Variants in RASSF9 observed in about 807,000 individuals in gnomAD.
RASSF9 encodes ras association domain-containing protein 9.
Under a neutral mutation model 21.4 loss-of-function variants are expected in RASSF9, and 18 were observed. That is an observed-to-expected ratio of 0.84 (90% CI 0.58 to 1.25). The LOEUF (loss-of-function observed/expected upper bound fraction) is 1.25, where lower values mean the gene tolerates loss of function less well. Ranked by LOEUF, RASSF9 falls within the 50% of genes most tolerant of loss-of-function variation. The pLI, the probability that RASSF9 is intolerant of heterozygous loss-of-function variation, is 0.00. For synonymous variants in RASSF9, 183 were observed against 179.1 expected (o/e 1.02, Z -0.18); for missense variants, 480 against 503.2 (o/e 0.95, Z 0.44).
At chr12:85,832,963 A>G (rs1303474057) in intron 1 of RASSF9, among the ~76,000 whole-genome samples, 3 of 151,914 alleles carry the variant, frequency 2.0e-5, no homozygotes, top group East Asian at 3.8e-4. Flanking sequence ...ATGTCTTTCT[A>G]TGAAAGTTTG....
chr12:85,833,390 C>A (rs79949145), intron 1 of RASSF9, among the ~76,000 whole-genome samples: 3,141 of 152,006 alleles, frequency 0.021, 35 homozygotes, highest in African/African-American at 0.029. Context: ...GGTGTCTAGA[C>A]AGATATGACC....
intron 1 of RASSF9, among the ~76,000 whole-genome samples, chr12:85,821,929 A>G (rs1364861438): frequency 6.6e-6 from 1 of 152,184 alleles, no homozygotes; most frequent in East Asian, 1.9e-4. Context: ...CCAAATGTAA[A>G]TATTTAACAT....
At chr12:85,814,862 T>G (rs935267699) in intron 1 of RASSF9, among the ~76,000 whole-genome samples, 4 of 152,032 alleles carry the variant, frequency 2.6e-5, no homozygotes, top group African/African-American at 9.7e-5. Context: ...ATGGCCACTA[T>G]ATATGGGAAA....
At chr12:85,829,714 T>C (rs1373260981) in intron 1 of RASSF9, among the ~76,000 whole-genome samples, 2 of 152,124 alleles carry the variant, frequency 1.3e-5, no homozygotes, top group African/African-American at 2.4e-5. Flanking sequence ...TATTTTCCTT[T>C]ACCTCCATTT....
At chr12:85,813,459 T>C (rs1879994920) in intron 1 of RASSF9, among the ~76,000 whole-genome samples, 1 of 151,966 alleles carries the variant, frequency 6.6e-6, no homozygotes, top group South Asian at 2.1e-4. Flanking sequence ...AGTTTAAATC[T>C]TGAAGTTTTA....
rs944712868 is a variant in RASSF9, at chr12:85,802,426, G to C, written c.*2276C>G. On this transcript the variant is annotated 3_prime_UTR_variant, in exon 2 of 2. Coordinates refer to ENST00000361228, the MANE Select transcript of RASSF9 (RefSeq NM_005447.4). ...AGTGATCAAACGCACAAATACATTT[G>C]TATAACTAATGAGCAAATGGAAATT... The C allele has an allele frequency of 1.3e-5, 2 of 152,148 alleles. No homozygotes were observed. Among genetic ancestry groups the C allele is most frequent in the Admixed American group, 1.3e-4 (2 of 15,274 alleles). The allele number at this position is 152,148 out of a possible 1,614,324, so 9.4% of individuals were successfully genotyped here.
Position 85,802,987 on chromosome 12 carries a change from C to A in RASSF9, c.*1715G>T, listed in dbSNP as rs1879733581. On this transcript the variant is annotated 3_prime_UTR_variant, in exon 2 of 2. Transcript: ENST00000361228. ...TCTTACCAGCCAACTTGAAATAAGA[C>A]CTGAAAATATCTATTTTGGTACAAG... 1 of 151,930 alleles carries A rather than the reference C, an allele frequency of 6.6e-6. No individual in the cohort carries two copies. Among genetic ancestry groups the A allele is most frequent in the South Asian group, 2.1e-4 (1 of 4,806 alleles). The allele number at this position is 151,930 out of a possible 1,614,324, so 9.4% of individuals were successfully genotyped here. A position where few individuals can be genotyped will look rare whatever the true frequency, so the allele number is the denominator to read the frequency against.
At chr12:85,826,991 A>G (rs189372727) in intron 1 of RASSF9, among the ~76,000 whole-genome samples, 36 of 152,094 alleles carry the variant, frequency 2.4e-4, no homozygotes, top group African/African-American at 8.7e-4. Flanking sequence ...AACTTTTTAT[A>G]TTCTAATCTT....
At position 85,805,301 on chromosome 12, in the gene RASSF9, T is replaced by TTAAA. The variant is rs1879797443; in HGVS notation, c.705_708dup (p.Met237PhefsTer7). Reference sequence around the variant, plus strand: ...TGCTCAACTTCACTGAAACTGGGCATTAAATATGCATCCTGAACATAGTTT... The same window carrying TTAAA: ...TGCTCAACTTCACTGAAACTGGGCATTAAATAAATATGCATCCTGAACATAGTTT... On this transcript the variant is annotated frameshift_variant, in exon 2 of 2. Transcript: ENST00000361228. LOFTEE classifies it low-confidence loss of function (END_TRUNC). 6.2e-7 allele frequency: 1 copy of TTAAA among 1,613,556 alleles called. No individual in the cohort carries two copies. The highest frequency in any genetic ancestry group is 1.6e-4 in the Middle Eastern group (1 of 6,062).
chr12:85,832,923 T>C (rs1490646749), intron 1 of RASSF9, among the ~76,000 whole-genome samples: 1 of 151,908 alleles, frequency 6.6e-6, no homozygotes, highest in African/African-American at 2.4e-5. Context: ...TTAACTCTCA[T>C]TGTAAACAGA....
intron 1 of RASSF9, among the ~76,000 whole-genome samples, chr12:85,816,805 A>C (rs1880077997): frequency 6.6e-6 from 1 of 152,176 alleles, no homozygotes; most frequent in African/African-American, 2.4e-5. Context: ...TAAGCCAGTT[A>C]TGAAAATCCT....
At chr12:85,813,614 A>G (rs1879998923) in intron 1 of RASSF9, among the ~76,000 whole-genome samples, 1 of 151,902 alleles carries the variant, frequency 6.6e-6, no homozygotes, top group Non-Finnish European at 1.5e-5. Flanking sequence ...TGATCCAAAG[A>G]TAAAAGGCAC....
chr12:85,826,613 A>ACCTTGTTCACCCACAGCCACACACAT (rs1555189584), intron 1 of RASSF9, among the ~76,000 whole-genome samples: 2 of 150,486 alleles, frequency 1.3e-5, no homozygotes, highest in Non-Finnish European at 3.0e-5. Flanking sequence ...GTGCCTGGCT[A>ACCTTGTTCACCCACAGCCACACACAT]ATTTTTTGTA....
intron 1 of RASSF9, among the ~76,000 whole-genome samples, chr12:85,809,667 TAATG>T (rs1171867424): frequency 8.6e-6 from 1 of 115,764 alleles, no homozygotes; most frequent in South Asian, 2.3e-4. Flanking sequence ...AGAATAGTAA[TAATG>T]ATGATGATGA....
chr12:85,813,319 C>T (rs1804060596), intron 1 of RASSF9, among the ~76,000 whole-genome samples: 1 of 151,764 alleles, frequency 6.6e-6, no homozygotes, highest in African/African-American at 2.4e-5. Context: ...TGATAATTAG[C>T]ATTAATAACA....
At chr12:85,827,400 C>T (rs1056922889) in intron 1 of RASSF9, among the ~76,000 whole-genome samples, 9 of 152,064 alleles carry the variant, frequency 5.9e-5, no homozygotes, top group East Asian at 1.9e-4. Flanking sequence ...GTAATGTCAC[C>T]GCAACTAGAG....
In RASSF9 at chr12:85,801,280, A is replaced by C. The variant is rs185099966; in HGVS notation, c.*3422T>G. 2.9e-4 allele frequency: 44 copies of C among 152,330 alleles called. No homozygotes were observed. The highest frequency in any genetic ancestry group is 1.1e-3 in the African/African-American group (44 of 41,586). 9.4% of individuals were successfully genotyped at this position (152,330 alleles called of 1,614,324 possible). On this transcript the variant is annotated 3_prime_UTR_variant, in exon 2 of 2. Transcript: ENST00000361228. ...AAAAATCGTAGTAGCATGAAGATTTAATTTTTCTTTCCCAAAATGTATAAG... is the reference window on the plus strand; with the variant it reads ...AAAAATCGTAGTAGCATGAAGATTTCATTTTTCTTTCCCAAAATGTATAAG...
intron 1 of RASSF9, among the ~76,000 whole-genome samples, chr12:85,813,188 C>CA (rs1879987799): frequency 6.6e-6 from 1 of 151,824 alleles, no homozygotes; most frequent in Admixed American, 6.6e-5. Context: ...AAACTTTCAA[C>CA]AACATGTGTT....
Position 85,836,221 on chromosome 12 carries a change from T to C in RASSF9, c.-20A>G, listed in dbSNP as rs1880560987. 6.6e-7 allele frequency: 1 copy of C among 1,511,062 alleles called. No individual in the cohort carries two copies. Among genetic ancestry groups the C allele is most frequent in the Non-Finnish European group, 8.8e-7 (1 of 1,133,126 alleles). 93.6% of individuals were successfully genotyped at this position (1,511,062 alleles called of 1,614,324 possible). A position where few individuals can be genotyped will look rare whatever the true frequency, so the allele number is the denominator to read the frequency against. Reference sequence around the variant, plus strand: ...AGCCATGGTCTGTCGGGCAAACGAATAAAGAAATTATCTTAAAGTGATCTG... The same window carrying C: ...AGCCATGGTCTGTCGGGCAAACGAACAAAGAAATTATCTTAAAGTGATCTG... On this transcript the variant is annotated 5_prime_UTR_variant, in exon 1 of 2. Transcript: ENST00000361228.
Sources: gnomAD v4.1 joint callset for allele counts (sites outside exome capture counted in the v4.1 genomes callset) on GRCh38, gnomAD v4.1.1 for gene constraint, MANE v1.5 for transcripts, NCBI Gene and HGNC (gene_info 2026-07-23, HGNC 2026-07-21) for gene names.